Variants in SHROOM2 observed in about 807,000 individuals in gnomAD.
SHROOM2 encodes protein Shroom2.
In SHROOM2, 33 loss-of-function variants were observed where a neutral mutation model predicts 75.9. That is an observed-to-expected ratio of 0.43 (90% CI 0.33 to 0.58). SHROOM2 has a LOEUF of 0.58. Among genes scored for constraint, SHROOM2 ranks in the 20% least tolerant of loss-of-function variants. The probability of loss-of-function intolerance (pLI) is 0.04; values close to 1 mark genes in which losing one functional copy is unlikely to be tolerated. For missense variants in SHROOM2, 1,434 were observed against 1,461.2 expected (o/e 0.98, Z 0.30); for synonymous variants, 655 against 663.6 (o/e 0.99, Z 0.20).
chrX:9,941,888 G>A (rs1006584433), intron 8 of SHROOM2, among the ~76,000 whole-genome samples: 8 of 105,400 alleles, frequency 7.6e-5, no homozygotes, highest in Non-Finnish European at 1.2e-4. Context: ...GGAGAATGGC[G>A]TGAACCTGGG....
intron 1 of SHROOM2, among the ~76,000 whole-genome samples, chrX:9,816,042 A>G (rs148669391): frequency 6.1e-4 from 68 of 112,349 alleles, no homozygotes; most frequent in African/African-American, 2.1e-3. Context: ...GGGATCGTAG[A>G]ATATGTGGTC....
At chrX:9,945,046 C>T (rs1409076016) in intron 9 of SHROOM2, 133 bp downstream of exon 9, 15 of 589,143 alleles carry the variant, frequency 2.5e-5, no homozygotes, top group Admixed American at 1.4e-4. Context: ...TCCTGCAGAC[C>T]TTGTCGAGAC....
intron 5 of SHROOM2, among the ~76,000 whole-genome samples, chrX:9,931,863 T>C (rs774062130): frequency 2.7e-5 from 3 of 111,191 alleles, no homozygotes; most frequent in South Asian, 7.7e-4. Flanking sequence ...CTAAAGTTTT[T>C]GTTCATTTAT....
chrX:9,817,509 C>T (rs778747820), intron 1 of SHROOM2, among the ~76,000 whole-genome samples: 152 of 111,997 alleles, frequency 1.4e-3, no homozygotes, highest in Middle Eastern at 4.6e-3. Flanking sequence ...TTCCCTGGCT[C>T]ACCCAACGTG....
chrX:9,929,849 C>A (rs910510578), intron 5 of SHROOM2, among the ~76,000 whole-genome samples: 5 of 111,282 alleles, frequency 4.5e-5, no homozygotes, highest in East Asian at 2.8e-4. Flanking sequence ...AATCATGGGG[C>A]CTGGTCTTTC....
intron 7 of SHROOM2, 102 bp from the exon 8 acceptor site, chrX:9,939,093 T>C (rs2084743511): frequency 2.9e-6 from 2 of 699,551 alleles, no homozygotes; most frequent in African/African-American, 2.2e-5. Flanking sequence ...TGGTGTCCTT[T>C]CGTGAGCACC....
intron 1 of SHROOM2, among the ~76,000 whole-genome samples, chrX:9,856,397 C>T (rs973890729): frequency 1.8e-5 from 2 of 111,571 alleles, no homozygotes; most frequent in African/African-American, 6.5e-5. Context: ...TTGCTTGTTC[C>T]TCAGACGCAT....
At chrX:9,843,034 G>A (rs2083987602) in intron 1 of SHROOM2, among the ~76,000 whole-genome samples, 1 of 111,904 alleles carries the variant, frequency 8.9e-6, no homozygotes, top group Admixed American at 9.4e-5. Flanking sequence ...GGAGGGTGCT[G>A]GTCACTCTTG....
At chrX:9,892,430 A>G (rs1462727160) in intron 3 of SHROOM2, among the ~76,000 whole-genome samples, 1 of 111,143 alleles carries the variant, frequency 9.0e-6, no homozygotes, top group African/African-American at 3.3e-5. Context: ...ACAAAAAAAC[A>G]AAAAGCCACA....
chrX:9,822,717 G>A lies in SHROOM2; in HGVS notation c.165+36007G>A, dbSNP rs1005362724. Among the ~76,000 whole-genome samples, 40 of 112,466 alleles carry A rather than the reference G, an allele frequency of 3.6e-4. 1 individual carries two copies. The highest frequency in any genetic ancestry group is 6.8e-4 in the Non-Finnish European group (36 of 53,217). On this transcript the variant is annotated intron_variant, in intron 1 of 9. Transcript: ENST00000380913. ...GCAGGTGGCAGCTCCAGAAAGCTCTGCGGAGGGAATGGCCAAATCTGGTGC... is the reference window on the plus strand; with the variant it reads ...GCAGGTGGCAGCTCCAGAAAGCTCTACGGAGGGAATGGCCAAATCTGGTGC...
chrX:9,855,295 T>A (rs867017798), intron 1 of SHROOM2, among the ~76,000 whole-genome samples: 14 of 39,286 alleles, frequency 3.6e-4, no homozygotes, highest in African/African-American at 9.3e-4. Flanking sequence ...TAAAGTATAG[T>A]AAAAAAAAAA....
At chrX:9,904,987 A>G (rs892651536) in intron 5 of SHROOM2, among the ~76,000 whole-genome samples, 1 of 112,406 alleles carries the variant, frequency 8.9e-6, no homozygotes, top group African/African-American at 3.2e-5. Context: ...AGCTGGGATC[A>G]CAGGCATGCG....
intron 1 of SHROOM2, among the ~76,000 whole-genome samples, chrX:9,843,910 T>G (rs2083992559): frequency 8.9e-6 from 1 of 112,896 alleles, no homozygotes; most frequent in Non-Finnish European, 1.9e-5. Flanking sequence ...CCATTCTCAT[T>G]ACACACGATA....
chrX:9,807,138 C>G (rs2083757917), intron 1 of SHROOM2, among the ~76,000 whole-genome samples: 1 of 111,977 alleles, frequency 8.9e-6, no homozygotes, highest in Non-Finnish European at 1.9e-5. Flanking sequence ...ATTCAGGAGC[C>G]TCATGAAGGT....
intron 1 of SHROOM2, among the ~76,000 whole-genome samples, chrX:9,819,789 CTT>C (rs1276529105): frequency 2.2e-5 from 2 of 93,022 alleles, no homozygotes; most frequent in Admixed American, 1.2e-4. Context: ...GCCAGTTTAT[CTT>C]TTTTTTTTTT....
chrX:9,832,328 G>A (rs1371756156), intron 1 of SHROOM2, among the ~76,000 whole-genome samples: 1 of 111,224 alleles, frequency 9.0e-6, no homozygotes, highest in African/African-American at 3.3e-5. Context: ...CTAGCCCGCC[G>A]AGCCCCTCCC....
At chrX:9,847,574 A>G (rs2084012943) in intron 1 of SHROOM2, among the ~76,000 whole-genome samples, 1 of 112,017 alleles carries the variant, frequency 8.9e-6, no homozygotes, top group African/African-American at 3.2e-5. Context: ...AATGAGGGAA[A>G]CACTTTTATT....
chrX:9,870,605 T>C (rs1220308602), intron 1 of SHROOM2, among the ~76,000 whole-genome samples: 1 of 112,307 alleles, frequency 8.9e-6, no homozygotes, highest in Non-Finnish European at 1.9e-5. Flanking sequence ...TTTTCCAAAA[T>C]TGTAACGTGA....
chrX:9,913,818 A>G (rs903741297), intron 5 of SHROOM2, among the ~76,000 whole-genome samples: 1 of 112,288 alleles, frequency 8.9e-6, no homozygotes, highest in African/African-American at 3.2e-5. Flanking sequence ...ATGGAAAATA[A>G]TATTTTAATG....
Sources: allele counts gnomAD v4.1 joint callset (sites outside exome capture counted in the v4.1 genomes callset), GRCh38; gene constraint gnomAD v4.1.1; transcripts MANE v1.5; gene names NCBI Gene and HGNC (gene_info 2026-07-23, HGNC 2026-07-21).